CETP: variants seen among roughly 807,000 people sequenced by gnomAD.
CETP encodes the protein BPI fold containing family F.
In CETP, 56 loss-of-function variants were observed where a neutral mutation model predicts 66.5. That is an observed-to-expected ratio of 0.84 (90% CI 0.68 to 1.05). The LOEUF is 1.05. Ranked by LOEUF, CETP falls within the 50% of genes least tolerant of loss-of-function variation. CETP has a pLI of 0.00. For missense variants in CETP, 612 were observed against 609.6 expected, an observed-to-expected ratio of 1.00 and a Z score of -0.04; for synonymous variants, 251 against 245.7, an observed-to-expected ratio of 1.02 and a Z score of -0.20.
intron 9 of CETP, among the ~76,000 whole-genome samples, chr16:56,974,005 C>T (rs2056132419): frequency 6.6e-6 from 1 of 152,184 alleles, no homozygotes; most frequent in Admixed American, 6.5e-5. Context: ...CTATAGATAA[C>T]ATAACTGGTT....
At chr16:56,971,589 G>A (rs1189275999) in intron 7 of CETP, among the ~76,000 whole-genome samples, 3 of 152,194 alleles carry the variant, frequency 2.0e-5, no homozygotes, top group Non-Finnish European at 4.4e-5. Flanking sequence ...GTGGCGTTGG[G>A]CAAGTCTATA....
At position 56,963,127 on chromosome 16, in the gene CETP, G is replaced by A; in HGVS notation, c.233+3G>A. ...CAAGTCAAGTATGGGTTGCACAAGTGAGTCGGGCCTCGGGTGTGACCAGGC... is the reference window on the plus strand; with the variant it reads ...CAAGTCAAGTATGGGTTGCACAAGTAAGTCGGGCCTCGGGTGTGACCAGGC... On this transcript the variant is annotated splice_donor_region_variant and intron_variant, in intron 2 of 15. Coordinates refer to ENST00000200676, the MANE Select transcript of CETP (RefSeq NM_000078.3). The A allele has an allele frequency of 1.9e-6, 3 of 1,612,640 alleles. No individual in the cohort carries two copies. Among genetic ancestry groups the A allele is most frequent in the Non-Finnish European group, 2.5e-6 (3 of 1,178,774 alleles).
chr16:56,972,923 G>A (rs538088378), intron 8 of CETP, among the ~76,000 whole-genome samples: 4 of 152,196 alleles, frequency 2.6e-5, no homozygotes, highest in South Asian at 2.1e-4. Context: ...CTAGTGGGGC[G>A]GGGGACTGGG....
rs1567476573 is a variant in CETP, at chr16:56,982,238, G to GT, written c.1321+2dup. 1 of 1,614,016 alleles carries GT rather than the reference G, an allele frequency of 6.2e-7. No homozygotes were observed. The highest frequency in any genetic ancestry group is 2.2e-5 in the East Asian group (1 of 44,880). ...GTGGGCATCCCTGAGGTCATGTCTC[G>GT]TAAGTGTGGGCTGGAGGGGAAACTG... On this transcript the variant is annotated splice_donor_variant, in intron 14 of 15. Transcript: ENST00000200676. LOFTEE classifies it high-confidence loss of function.
intron 10 of CETP, among the ~76,000 whole-genome samples, chr16:56,976,246 C>T (rs1265905012): frequency 6.6e-6 from 1 of 152,174 alleles, no homozygotes; most frequent in African/African-American, 2.4e-5. Flanking sequence ...ATCTGTTCCC[C>T]ACAGCAGCCA....
At chr16:56,975,269 C>T (rs763874019) in intron 10 of CETP, 118 bp downstream of exon 10, 8 of 864,774 alleles carry the variant, frequency 9.3e-6, no homozygotes, top group Non-Finnish European at 1.5e-5. Flanking sequence ...ACAGCGAACA[C>T]AGCTCCTACT....
Position 56,969,662 on chromosome 16 carries a change from C to T in CETP, c.420C>T (p.Leu140=). 1.9e-6 allele frequency: 3 copies of T among 1,614,138 alleles called. No individual in the cohort carries two copies. Among genetic ancestry groups the T allele is most frequent in the Non-Finnish European group, 1.7e-6 (2 of 1,180,040 alleles). ...TCGAGATCGACTCTGCCATTGACCT[C>T]CAGATCAACACACAGCTGAGTATGT... ...IDFEIDSAID[L]QINTQLTCDS... is the part of the protein sequence containing the mutation. The change falls in exon 4 of 16, where the codon CTC becomes CTT. Residue 140 remains leucine, a synonymous_variant. Coordinates refer to ENST00000200676, the MANE Select transcript of CETP (RefSeq NM_000078.3).
At chr16:56,970,610 C>T (rs1013174577) in intron 5 of CETP, among the ~76,000 whole-genome samples, 3 of 152,186 alleles carry the variant, frequency 2.0e-5, no homozygotes, top group Non-Finnish European at 2.9e-5. Context: ...TGGGTAACCC[C>T]ATTGCACAGA....
At chr16:56,969,728 C>A (rs1447817971) in intron 4 of CETP, 47 bp downstream of exon 4, 1 of 1,605,422 alleles carries the variant, frequency 6.2e-7, no homozygotes. Context: ...GACTCCAGGG[C>A]TTGGCCTCAG....
At chr16:56,974,126 C>G (rs1203864954) in intron 9 of CETP, among the ~76,000 whole-genome samples, 1 of 152,096 alleles carries the variant, frequency 6.6e-6, no homozygotes, top group Non-Finnish European at 1.5e-5. Flanking sequence ...GGCTACCTGC[C>G]TTTAGTTTCG....
At position 56,982,181 on chromosome 16, in the gene CETP, TC is replaced by T. The variant is rs1455055691; in HGVS notation, c.1267del (p.Gln423ArgfsTer7). On this transcript the variant is annotated frameshift_variant, in exon 14 of 16. Transcript: ENST00000200676. LOFTEE classifies it high-confidence loss of function. ...SNLTESSSESVQSFLQSMITA... is the reference protein window; with the variant it reads ...SNLTESSSESXQSFLQSMITA... ...GATTGGCAGAGCAGCTCCGAGTCCGTCCAGAGCTTCCTGCAGTCAATGATCA... is the reference window on the plus strand; with the variant it reads ...GATTGGCAGAGCAGCTCCGAGTCCGTCAGAGCTTCCTGCAGTCAATGATCA... The T allele has an allele frequency of 1.2e-6, 2 of 1,614,110 alleles. No individual in the cohort carries two copies. Among genetic ancestry groups the T allele is most frequent in the Admixed American group, 1.7e-5 (1 of 60,020 alleles).
chr16:56,979,308 C>A (rs1265668838), intron 11 of CETP, among the ~76,000 whole-genome samples: 2 of 152,096 alleles, frequency 1.3e-5, no homozygotes, highest in East Asian at 1.9e-4. Flanking sequence ...GGGTGGCACC[C>A]CACAATCAAT....
chr16:56,968,330 C>T (rs9924087), intron 2 of CETP, among the ~76,000 whole-genome samples: 16,120 of 152,016 alleles, frequency 0.11, 1,028 homozygotes, highest in African/African-American at 0.19. Flanking sequence ...GGACTACAGA[C>T]GCCCACCATC....
chr16:56,964,539 G>C (rs748485527), intron 2 of CETP, among the ~76,000 whole-genome samples: 2 of 152,194 alleles, frequency 1.3e-5, no homozygotes, highest in Non-Finnish European at 2.9e-5. Context: ...TCTGTGTGTC[G>C]GTCTGAGGCC....
intron 13 of CETP, among the ~76,000 whole-genome samples, 156 bp from the exon 14 acceptor site, chr16:56,982,009 G>T (rs1325705925): frequency 6.6e-6 from 1 of 152,174 alleles, no homozygotes; most frequent in African/African-American, 2.4e-5. Context: ...GACCACTCAG[G>T]AAGGGCACCG....
chr16:56,964,687 A>T (rs1366730188), intron 2 of CETP, among the ~76,000 whole-genome samples: 1 of 152,114 alleles, frequency 6.6e-6, no homozygotes, highest in African/African-American at 2.4e-5. Flanking sequence ...AGTCTTGGTA[A>T]ATGTTTCTGA....
chr16:56,975,098 C>T lies in CETP; in HGVS notation c.931-3C>T. The T allele has an allele frequency of 6.2e-7, 1 of 1,614,044 alleles. No individual in the cohort carries two copies. The highest frequency in any genetic ancestry group is 8.5e-7 in the Non-Finnish European group (1 of 1,179,886). ...ACCCTCCAACTTCCTCATTTCTTTT[C>T]AGGCAGTGCTGGAGACCTGGGGCTT... On this transcript the variant is annotated splice_region_variant and splice_polypyrimidine_tract_variant and intron_variant, in intron 9 of 15. Coordinates refer to ENST00000200676, the MANE Select transcript of CETP (RefSeq NM_000078.3).
In CETP at chr16:56,982,169, G is replaced by C. The variant is rs145141976; in HGVS notation, c.1253G>C (p.Ser418Thr). Residue 418 changes from serine (S) to threonine (T), a missense_variant, in exon 14 of 16, where the codon AGC (serine) becomes ACC (threonine). By Grantham distance (58) the Ser-to-Thr change is moderately conservative (BLOSUM62 1). Transcript: ENST00000200676. ...CCATGGGCATTTGATTGGCAGAGCA[G>C]CTCCGAGTCCGTCCAGAGCTTCCTG... is the stretch of plus-strand genomic sequence containing the variant. ...PKTVSNLTES[S>T]SESVQSFLQS... 26 of 1,614,022 alleles carry C rather than the reference G, an allele frequency of 1.6e-5. No individual in the cohort carries two copies. Among genetic ancestry groups the C allele is most frequent in the Non-Finnish European group, 2.0e-5 (24 of 1,180,022 alleles).
chr16:56,967,478 A>T (rs2056075869), intron 2 of CETP, among the ~76,000 whole-genome samples: 1 of 152,144 alleles, frequency 6.6e-6, no homozygotes, highest in Admixed American at 6.5e-5. Flanking sequence ...AACATGGTGA[A>T]ACCCCCTCTC....
Sources: gnomAD v4.1 joint callset for allele counts (sites outside exome capture counted in the v4.1 genomes callset) on GRCh38, gnomAD v4.1.1 for gene constraint, MANE v1.5 for transcripts, NCBI Gene and HGNC (gene_info 2026-07-23, HGNC 2026-07-21) for gene names.